COL25A1: variants seen among roughly 807,000 people sequenced by gnomAD.
The protein encoded by COL25A1 is collagen type XXV alpha 1 chain, also known as collagen alpha-1(XXV) chain.
Under a neutral mutation model 128.4 loss-of-function variants are expected in COL25A1, and 103 were observed. That is an observed-to-expected ratio of 0.80 (90% confidence interval 0.68 to 0.94). The LOEUF (loss-of-function observed/expected upper bound fraction) is 0.94, where lower values mean the gene tolerates loss of function less well. Among genes scored for constraint, COL25A1 ranks in the 40% least tolerant of loss-of-function variants. The pLI is 0.00. For missense variants in COL25A1, 745 were observed against 840.0 expected (o/e 0.89, Z 1.40); for synonymous variants, 279 against 277.2 (o/e 1.01, Z -0.06).
chr4:109,257,503 T>C (rs1781158164), intron 3 of COL25A1, among the ~76,000 whole-genome samples: 1 of 152,162 alleles, frequency 6.6e-6, no homozygotes, highest in Non-Finnish European at 1.5e-5. Context: ...TAAAAAGAAA[T>C]ACTTGGATAG....
At chr4:109,205,695 A>C (rs79260648) in intron 3 of COL25A1, among the ~76,000 whole-genome samples, 7,147 of 152,214 alleles carry the variant, frequency 0.047, 430 homozygotes, top group South Asian at 0.14. Context: ...TTTTTAGACT[A>C]TCCGTTACCT....
At chr4:109,034,333 G>C (rs1478553695) in intron 5 of COL25A1, among the ~76,000 whole-genome samples, 1 of 152,150 alleles carries the variant, frequency 6.6e-6, no homozygotes, top group East Asian at 1.9e-4. Flanking sequence ...CTATAGTTCA[G>C]CAAGAAATGA....
chr4:108,990,413 C>G (rs1319389044), intron 6 of COL25A1, among the ~76,000 whole-genome samples: 1 of 151,282 alleles, frequency 6.6e-6, no homozygotes, highest in African/African-American at 2.4e-5. Flanking sequence ...ACATTTTGAA[C>G]TAAAACTTTG....
At chr4:109,035,722 T>A (rs532434827) in intron 5 of COL25A1, among the ~76,000 whole-genome samples, 2 of 152,212 alleles carry the variant, frequency 1.3e-5, no homozygotes, top group African/African-American at 4.8e-5. Context: ...GGAAACTTCA[T>A]ATTATAGGAA....
At chr4:108,936,341 G>A (rs1747401228) in intron 11 of COL25A1, among the ~76,000 whole-genome samples, 1 of 152,104 alleles carries the variant, frequency 6.6e-6, no homozygotes, top group Non-Finnish European at 1.5e-5. Flanking sequence ...GGCCGAGGCA[G>A]GTGGATCACA....
chr4:108,832,686 T>C (rs1733282772), intron 31 of COL25A1: 1 of 353,044 alleles, frequency 2.8e-6, no homozygotes. Flanking sequence ...TAATTATATC[T>C]TTTTCCTCTG....
chr4:108,996,889 C>T (rs567052763), intron 6 of COL25A1, among the ~76,000 whole-genome samples: 9 of 152,142 alleles, frequency 5.9e-5, no homozygotes, highest in South Asian at 4.1e-4. Context: ...GGGTAAACAA[C>T]GAAATGAAGG....
chr4:109,093,685 A>C (rs1379567815), intron 3 of COL25A1, among the ~76,000 whole-genome samples: 2 of 152,150 alleles, frequency 1.3e-5, no homozygotes, highest in African/African-American at 4.8e-5. Flanking sequence ...GTGGGTTTTA[A>C]AGTAAAATAC....
At position 108,811,731 on chromosome 4, in the gene COL25A1, T is replaced by C. The variant is rs1730809531; in HGVS notation, c.*2196A>G. The stretch of plus-strand genomic sequence containing the variant: ...TTGTTAGAAAATGTCCTCCATTATT[T>C]TCAAAATGCTAAACTGGCTTAGGGG... On this transcript the variant is annotated 3_prime_UTR_variant, in exon 38 of 38. Transcript: ENST00000399132. 1 of 152,160 alleles carries C rather than the reference T, an allele frequency of 6.6e-6. No individual in the cohort carries two copies. The highest frequency in any genetic ancestry group is 6.5e-5 in the Admixed American group (1 of 15,276). 9.4% of individuals were successfully genotyped at this position (152,160 alleles called of 1,614,324 possible).
chr4:109,216,510 T>G (rs1392343983), intron 3 of COL25A1, among the ~76,000 whole-genome samples: 2 of 151,946 alleles, frequency 1.3e-5, no homozygotes, highest in Non-Finnish European at 2.9e-5. Flanking sequence ...TGGATTAGAG[T>G]AGGTCCTAAT....
chr4:108,868,640 A>G (rs1273926181), intron 20 of COL25A1, among the ~76,000 whole-genome samples: 1 of 149,528 alleles, frequency 6.7e-6, no homozygotes, highest in Non-Finnish European at 1.5e-5. Context: ...GGAAAAGGGA[A>G]GGAAGGGAAG....
intron 3 of COL25A1, among the ~76,000 whole-genome samples, chr4:109,297,862 CTTTTTTTTTTT>C (rs35099153): frequency 3.0e-4 from 19 of 63,832 alleles, no homozygotes; most frequent in Non-Finnish European, 4.4e-4. Context: ...TTTTCCTTTT[CTTTTTTTTTTT>C]TTTTTTTTTT....
intron 3 of COL25A1, among the ~76,000 whole-genome samples, chr4:109,060,708 AC>A (rs567473360): frequency 2.8e-4 from 43 of 152,158 alleles, no homozygotes; most frequent in African/African-American, 8.7e-4. Context: ...AAACAAAAAA[AC>A]ATTACCTTCT....
chr4:109,044,784 C>T (rs138635735), intron 5 of COL25A1, among the ~76,000 whole-genome samples: 91 of 152,062 alleles, frequency 6.0e-4, no homozygotes, highest in African/African-American at 2.1e-3. Flanking sequence ...ATATATGCCT[C>T]GATAGCACAC....
intron 3 of COL25A1, among the ~76,000 whole-genome samples, chr4:109,179,112 T>A (rs756352834): frequency 4.1e-4 from 63 of 151,818 alleles, no homozygotes; most frequent in Non-Finnish European, 7.8e-4. Flanking sequence ...ATTCAGGAAA[T>A]CTTATCCTCA....
At chr4:109,103,511 C>T (rs1276489316) in intron 3 of COL25A1, among the ~76,000 whole-genome samples, 1 of 152,068 alleles carries the variant, frequency 6.6e-6, no homozygotes, top group African/African-American at 2.4e-5. Flanking sequence ...TATAAGTCAC[C>T]AATTTTTTAT....
chr4:109,234,684 C>A (rs182923565), intron 3 of COL25A1, among the ~76,000 whole-genome samples: 2 of 152,138 alleles, frequency 1.3e-5, no homozygotes, highest in East Asian at 3.9e-4. Context: ...ATAAGAACAC[C>A]AGCAAAAATG....
At chr4:109,073,147 G>GGGGGA (rs1286899356) in intron 3 of COL25A1, among the ~76,000 whole-genome samples, 1 of 152,106 alleles carries the variant, frequency 6.6e-6, no homozygotes, top group African/African-American at 2.4e-5. Context: ...ATGTGTGTGT[G>GGGGGA]GGGGAGGGGC....
rs181128409 is a variant in COL25A1, at chr4:108,916,055, C to T, written c.780+2117G>A. Among the ~76,000 whole-genome samples, 29 of 152,240 alleles carry T rather than the reference C, an allele frequency of 1.9e-4. No homozygotes were observed. In the East Asian group the frequency reaches 5.6e-3, roughly 29 times the overall value. ...TTACTCTCTAAGTGACCTGCTGTTT[C>T]AGTGAAGGAGACTCGTGTTTTTTAC... On this transcript the variant is annotated intron_variant, in intron 13 of 37. Coordinates refer to ENST00000399132, the MANE Select transcript of COL25A1 (RefSeq NM_198721.4).
Sources: gnomAD v4.1 joint callset for allele counts (sites outside exome capture counted in the v4.1 genomes callset) on GRCh38, gnomAD v4.1.1 for gene constraint, MANE v1.5 for transcripts, NCBI Gene and HGNC (gene_info 2026-07-23, HGNC 2026-07-21) for gene names.